The following CNTNAP2 variants were observed in gnomAD, a reference collection of about 807,000 sequenced individuals.
CNTNAP2 encodes contactin associated protein 2.
CNTNAP2 carries 98 observed loss-of-function variants against 155.2 expected under a neutral mutation model. The observed-to-expected ratio is 0.63, with a 90% CI of 0.54 to 0.75. CNTNAP2 has a LOEUF of 0.75. Among genes scored for constraint, CNTNAP2 ranks in the 30% least tolerant of loss-of-function variants. The pLI is 0.00. For missense variants in CNTNAP2, 1,727 were observed against 1,688.1 expected (o/e 1.02, Z -0.40); for synonymous variants, 651 against 631.2 (o/e 1.03, Z -0.47).
At chr7:147,521,428 A>G (rs1371272089) in intron 11 of CNTNAP2, among the ~76,000 whole-genome samples, 1 of 152,208 alleles carries the variant, frequency 6.6e-6, no homozygotes, top group African/African-American at 2.4e-5. Context: ...ATTTGAAAGC[A>G]GTGCTTAGAT....
chr7:147,223,949 A>AG (rs1468396290), intron 8 of CNTNAP2, among the ~76,000 whole-genome samples: 1 of 151,692 alleles, frequency 6.6e-6, no homozygotes, highest in East Asian at 1.9e-4. Flanking sequence ...CAAAAAAAAA[A>AG]AAAAAAAGAA....
At chr7:147,023,122 C>G (rs746448296) in intron 3 of CNTNAP2, among the ~76,000 whole-genome samples, 3 of 152,078 alleles carry the variant, frequency 2.0e-5, no homozygotes, top group Admixed American at 6.5e-5. Context: ...AGAACCTTAT[C>G]GTGTTGTTCA....
intron 1 of CNTNAP2, among the ~76,000 whole-genome samples, chr7:146,721,824 A>AT (rs1563204199): frequency 2.8e-5 from 3 of 106,762 alleles, no homozygotes; most frequent in Non-Finnish European, 5.3e-5. Flanking sequence ...ATATATGTAG[A>AT]CTATATATAG....
intron 21 of CNTNAP2, among the ~76,000 whole-genome samples, chr7:148,274,530 T>C (rs950545866): frequency 6.6e-6 from 1 of 152,204 alleles, no homozygotes; most frequent in African/African-American, 2.4e-5. Flanking sequence ...TGGTGATAAG[T>C]GAGCTCTCAC....
At chr7:146,117,049 C>T (rs941144209) in intron 1 of CNTNAP2, 76 bp downstream of exon 1, 2 of 1,265,766 alleles carry the variant, frequency 1.6e-6, no homozygotes, top group African/African-American at 3.0e-5. Context: ...GGTATCAACT[C>T]CGAAGTGCAT....
intron 13 of CNTNAP2, among the ~76,000 whole-genome samples, chr7:147,727,534 A>G (rs1796664559): frequency 6.6e-6 from 1 of 152,040 alleles, no homozygotes; most frequent in Non-Finnish European, 1.5e-5. Context: ...AACATTTGCT[A>G]ATAATTTTAT....
intron 12 of CNTNAP2, among the ~76,000 whole-genome samples, chr7:147,621,572 TA>T (rs200531387): frequency 2.0e-5 from 3 of 151,866 alleles, no homozygotes; most frequent in African/African-American, 4.8e-5. Flanking sequence ...GTTATCAGCT[TA>T]AAAAAATGTG....
intron 1 of CNTNAP2, among the ~76,000 whole-genome samples, chr7:146,136,367 TC>T (rs1438382173): frequency 6.6e-6 from 1 of 152,198 alleles, no homozygotes; most frequent in Non-Finnish European, 1.5e-5. Context: ...GTCAGTCTTT[TC>T]TATGATAATG....
chr7:146,993,805 G>T (rs1386763583), intron 3 of CNTNAP2, among the ~76,000 whole-genome samples: 1 of 151,970 alleles, frequency 6.6e-6, no homozygotes, highest in African/African-American at 2.4e-5. Context: ...TGACTATTTT[G>T]TCATGGCCAC....
chr7:147,295,120 C>T (rs1010114108), intron 8 of CNTNAP2, among the ~76,000 whole-genome samples: 3 of 152,126 alleles, frequency 2.0e-5, no homozygotes, highest in African/African-American at 7.2e-5. Flanking sequence ...TATACAAATA[C>T]TTAATCCACC....
chr7:146,345,188 A>T (rs2129097344), intron 1 of CNTNAP2, among the ~76,000 whole-genome samples: 1 of 152,322 alleles, frequency 6.6e-6, no homozygotes, highest in East Asian at 1.9e-4. Flanking sequence ...TAAAATTGAC[A>T]AGAGATACCA....
intron 1 of CNTNAP2, among the ~76,000 whole-genome samples, chr7:146,527,345 T>C (rs1048692216): frequency 2.0e-5 from 3 of 152,204 alleles, no homozygotes; most frequent in Admixed American, 6.5e-5. Flanking sequence ...GTGTTTTTTA[T>C]TTAAAGATAA....
chr7:147,957,068 T>C (rs574610476), intron 14 of CNTNAP2, among the ~76,000 whole-genome samples: 24 of 152,234 alleles, frequency 1.6e-4, no homozygotes, highest in African/African-American at 5.3e-4. Context: ...GTAATGTCAC[T>C]TACTGAGGCA....
chr7:147,825,019 T>C (rs192120257), intron 13 of CNTNAP2, among the ~76,000 whole-genome samples: 163 of 152,320 alleles, frequency 1.1e-3, no homozygotes, highest in African/African-American at 3.7e-3. Flanking sequence ...TAAATTTACT[T>C]GCTACGGATT....
chr7:146,790,095 C>T (rs1209218658), intron 2 of CNTNAP2, among the ~76,000 whole-genome samples: 1 of 152,014 alleles, frequency 6.6e-6, no homozygotes, highest in Admixed American at 6.6e-5. Context: ...AAACTAGAAA[C>T]TCCCAAGGGA....
intron 21 of CNTNAP2, among the ~76,000 whole-genome samples, chr7:148,338,152 T>A (rs1798154648): frequency 6.6e-6 from 1 of 152,202 alleles, no homozygotes. Flanking sequence ...CAGTTTGCCT[T>A]TTCCACAATG....
At chr7:147,316,649 T>C (rs1462839542) in intron 9 of CNTNAP2, among the ~76,000 whole-genome samples, 2 of 152,194 alleles carry the variant, frequency 1.3e-5, no homozygotes, top group African/African-American at 4.8e-5. Context: ...TTGATTCATA[T>C]ACTTTTGAAA....
At chr7:146,522,579 A>G (rs1797630685) in intron 1 of CNTNAP2, among the ~76,000 whole-genome samples, 1 of 151,924 alleles carries the variant, frequency 6.6e-6, no homozygotes, top group Non-Finnish European at 1.5e-5. Context: ...ATATAGAAAT[A>G]CTGAGGTAAA....
intron 10 of CNTNAP2, among the ~76,000 whole-genome samples, chr7:147,439,248 C>T (rs1309530173): frequency 6.6e-6 from 1 of 151,802 alleles, no homozygotes; most frequent in Non-Finnish European, 1.5e-5. Context: ...CCTCTTAGTA[C>T]TGCTTTTGTC....
Sources: gnomAD v4.1 joint callset for allele counts (sites outside exome capture counted in the v4.1 genomes callset) on GRCh38, gnomAD v4.1.1 for gene constraint, MANE v1.5 for transcripts, NCBI Gene and HGNC (gene_info 2026-07-23, HGNC 2026-07-21) for gene names.